The following MYOM3 variants were observed in gnomAD, a reference collection of about 807,000 sequenced individuals.
MYOM3 encodes the protein myomesin-3.
A neutral mutation model predicts 191.7 loss-of-function variants in MYOM3; 155 were observed. The observed-to-expected ratio is 0.81, with a 90% CI of 0.71 to 0.92. The LOEUF (loss-of-function observed/expected upper bound fraction) is 0.92. Among genes scored for constraint, MYOM3 ranks in the 40% least tolerant of loss-of-function variants. The probability of loss-of-function intolerance (pLI) is 0.00; values close to 1 mark genes in which losing one functional copy is unlikely to be tolerated. For synonymous variants in MYOM3, 757 were observed against 762.9 expected (o/e 0.99, Z 0.13); for missense variants, 1,889 against 1,890.6 (o/e 1.00, Z 0.02).
intron 12 of MYOM3, 123 bp downstream of exon 12, chr1:24,090,674 G>T: frequency 1.1e-6 from 1 of 907,700 alleles, no homozygotes; most frequent in Admixed American, 2.2e-5. Context: ...TTTACTGAGG[G>T]CTGGGCTGTG....
chr1:24,102,305 A>G (rs1445338574), intron 5 of MYOM3, among the ~76,000 whole-genome samples: 2 of 152,072 alleles, frequency 1.3e-5, no homozygotes, highest in Non-Finnish European at 1.5e-5. Flanking sequence ...CAATCTCTCC[A>G]GCTCTCCAGG....
At chr1:24,090,170 G>T in intron 12 of MYOM3, 52 bp from the exon 13 acceptor site, 1 of 1,445,642 alleles carries the variant, frequency 6.9e-7, no homozygotes, top group South Asian at 1.1e-5. Flanking sequence ...GGAGGAGTTA[G>T]GCCAGGAGCT....
At chr1:24,072,105 G>T in intron 23 of MYOM3, 92 bp from the exon 24 acceptor site, 1 of 1,326,490 alleles carries the variant, frequency 7.5e-7, no homozygotes, top group Non-Finnish European at 1.1e-6. Flanking sequence ...AGGATCCTGT[G>T]CTGGGTCAAA....
Position 24,068,365 on chromosome 1 carries a change from G to A in MYOM3, c.3153C>T (p.Asn1051=). The change falls in exon 26 of 37, where the codon AAC becomes AAT. Residue 1051 remains asparagine (N), a splice_region_variant and synonymous_variant. Coordinates refer to ENST00000374434, the MANE Select transcript of MYOM3 (RefSeq NM_152372.4). ...FNNKEIFSSP[N]RKINFDREKG... The stretch of plus-strand genomic sequence containing the variant: ...TCTCTCGGTCAAAATTGATTTTGCG[G>A]TTCTGAAAAGGACAAACTCCAGAGT... 1.2e-6 allele frequency: 2 copies of A among 1,614,100 alleles called. No individual in the cohort carries two copies. The highest frequency in any genetic ancestry group is 1.7e-6 in the Non-Finnish European group (2 of 1,179,990).
chr1:24,099,791 G>A lies in MYOM3; in HGVS notation c.561-16C>T, dbSNP rs367554123. The A allele has an allele frequency of 1.5e-4, 237 of 1,603,714 alleles. 3 individuals are homozygous for A. In the African/African-American group the frequency reaches 1.7e-3, roughly 11 times the overall value. On this transcript the variant is annotated splice_polypyrimidine_tract_variant and intron_variant, in intron 5 of 36. Coordinates refer to ENST00000374434, the MANE Select transcript of MYOM3 (RefSeq NM_152372.4). ...ATTTTTGTACCTGTGGGGACATAGC[G>A]GTCTGTGGCAGGCAGGGTGGTTCTA...
chr1:24,096,785 C>T (rs1470503222), intron 7 of MYOM3, among the ~76,000 whole-genome samples: 2 of 151,458 alleles, frequency 1.3e-5, no homozygotes, highest in South Asian at 2.1e-4. Context: ...TCCCGGGGGT[C>T]CTGGAACTCA....
Position 24,081,325 on chromosome 1 carries a change from C to G in MYOM3, c.2407+5G>C. On this transcript the variant is annotated splice_donor_5th_base_variant and intron_variant, in intron 19 of 36. Transcript: ENST00000374434. ...CACTGGACTTCAGGCCTGCAGGCCT[C>G]TCACCTGGCTGGGGCATTGTCCACT... The G allele has an allele frequency of 1.2e-6, 2 of 1,613,554 alleles. No individual in the cohort carries two copies.
rs781771524 is a variant in MYOM3 at position 24,057,539 on chromosome 1, C to T, written c.4139G>A (p.Arg1380Gln). Reference sequence around the variant, plus strand: ...TGTCCCCCTCACTTCCATGCGGTATCGGTCAAGGAAGGTGACAGGCTGGTC... The same window carrying T: ...TGTCCCCCTCACTTCCATGCGGTATTGGTCAAGGAAGGTGACAGGCTGGTC... ...KNDQPVTFLD[R>Q]YRMEVRGTEV... The change falls in exon 37 of 37, where the codon CGA becomes CAA. Residue 1380 changes from arginine (R) to glutamine (Q), a missense_variant. Arg to Gln is a conservative substitution (Grantham distance 43). Transcript: ENST00000374434. The T allele has an allele frequency of 1.2e-5, 19 of 1,614,026 alleles. No individual in the cohort carries two copies. The highest frequency in any genetic ancestry group is 8.3e-5 in the Admixed American group (5 of 60,008).
At chr1:24,066,163 T>G (rs1319856704) in intron 28 of MYOM3, 162 bp from the exon 29 acceptor site, 2 of 721,728 alleles carry the variant, frequency 2.8e-6, no homozygotes, top group Admixed American at 4.0e-5. Flanking sequence ...GTTTTCCCTC[T>G]GCCTCTTGAT....
chr1:24,086,274 C>G (rs1435708357), intron 15 of MYOM3, among the ~76,000 whole-genome samples: 2 of 152,048 alleles, frequency 1.3e-5, no homozygotes, highest in Non-Finnish European at 2.9e-5. Context: ...AGCTCAACCC[C>G]CACCAGACAA....
In MYOM3 at chr1:24,067,334, TTCTTTC is replaced by T. The variant is rs1417596398; in HGVS notation, c.3356-252_3356-247del. On this transcript the variant is annotated intron_variant, in intron 27 of 36. Coordinates refer to ENST00000374434, the MANE Select transcript of MYOM3 (RefSeq NM_152372.4). Reference sequence around the variant, plus strand: ...TTTCTTTCTTTCTTTCCTTCTTTCTTTCTTTCTTTCTTTCTTTCTTTCTTTCTTTCT... The same window carrying T: ...TTTCTTTCTTTCTTTCCTTCTTTCTTTTTCTTTCTTTCTTTCTTTCTTTCT... Among the ~76,000 whole-genome samples the T allele has an allele frequency of 2.9e-5, 2 of 70,078 alleles. 1 individual carries two copies. Among genetic ancestry groups the T allele is most frequent in the African/African-American group, 1.1e-4 (2 of 18,386 alleles). 46.0% of individuals were successfully genotyped at this position (70,078 alleles called of 152,430 possible).
At chr1:24,107,459 CT>C (rs1261913224) in intron 3 of MYOM3, among the ~76,000 whole-genome samples, 1 of 152,212 alleles carries the variant, frequency 6.6e-6, no homozygotes, top group African/African-American at 2.4e-5. Context: ...TTTCACAAAC[CT>C]TTGTTCATCT....
chr1:24,104,241 T>A lies in MYOM3; in HGVS notation c.560+1679A>T, dbSNP rs566363326. Among the ~76,000 whole-genome samples, 3 of 152,326 alleles carry A rather than the reference T, an allele frequency of 2.0e-5. No homozygotes were observed. The South Asian group carries it at 6.2e-4, about 32-fold the overall frequency. ...TGTTTTCCTTTGTGTTTTCCATTAT[T>A]TGTGCCCCTGTTCTCTCTCCTGCTA... On this transcript the variant is annotated intron_variant, in intron 5 of 36. Coordinates refer to ENST00000374434, the MANE Select transcript of MYOM3 (RefSeq NM_152372.4).
chr1:24,073,477 C>T (rs1434425681), intron 23 of MYOM3, among the ~76,000 whole-genome samples: 2 of 152,202 alleles, frequency 1.3e-5, no homozygotes, highest in Non-Finnish European at 2.9e-5. Context: ...CTCAGACCAA[C>T]TGCTGCTTGC....
At position 24,063,297 on chromosome 1, in the gene MYOM3, C is replaced by T. The variant is rs1380976504; in HGVS notation, c.3662-63G>A. 6.7e-7 allele frequency: 1 copy of T among 1,483,938 alleles called. No homozygotes were observed. The highest frequency in any genetic ancestry group is 1.4e-5 in the African/African-American group (1 of 72,422). The allele number at this position is 1,483,938 out of a possible 1,614,324, so 91.9% of individuals were successfully genotyped here. On this transcript the variant is annotated intron_variant, in intron 31 of 36. Coordinates refer to ENST00000374434, the MANE Select transcript of MYOM3 (RefSeq NM_152372.4). This position sits in a 1 kb window ranked among gnomAD's most constrained non-coding sequence, Gnocchi z 4.5. ...GCCATTTAGGCATCAGATTTTGGGGCCGGCTTGTCTGCCTCTGCCCTGGGG... is the reference window on the plus strand; with the variant it reads ...GCCATTTAGGCATCAGATTTTGGGGTCGGCTTGTCTGCCTCTGCCCTGGGG...
At chr1:24,096,618 C>T (rs1186179147) in intron 7 of MYOM3, among the ~76,000 whole-genome samples, 1 of 152,176 alleles carries the variant, frequency 6.6e-6, no homozygotes, top group African/African-American at 2.4e-5. Flanking sequence ...CTGTGCAGGA[C>T]AGTTTAACAA....
chr1:24,082,676 T>C lies in MYOM3; in HGVS notation c.2009A>G (p.Glu670Gly). 6.2e-7 allele frequency: 1 copy of C among 1,611,662 alleles called. No individual in the cohort carries two copies. Among genetic ancestry groups the C allele is most frequent in the Non-Finnish European group, 8.5e-7 (1 of 1,179,094 alleles). ...CTCGCTGACTGACCTGACACAAAAC[T>C]CGTACTCCTTCCCCGTCCTCAGCCC... The part of the protein sequence containing the change: ...VPGLRTGKEY[E>G]FCVRSVSEAG... The change falls in exon 17 of 37, where the codon GAG becomes GGG. Residue 670 changes from glutamate (E) to glycine (G), a missense_variant. Glu to Gly is a moderately conservative substitution (Grantham distance 98). Transcript: ENST00000374434.
In MYOM3 at chr1:24,092,196, TG is replaced by T; in HGVS notation, c.1209del (p.Ile404SerfsTer44). The T allele has an allele frequency of 6.8e-7, 1 of 1,463,840 alleles. No individual in the cohort carries two copies. The highest frequency in any genetic ancestry group is 9.1e-7 in the Non-Finnish European group (1 of 1,100,362). The allele number at this position is 1,463,840 out of a possible 1,614,324, so 90.7% of individuals were successfully genotyped here. A position where few individuals can be genotyped will look rare whatever the true frequency, so the allele number is the denominator to read the frequency against. ...WAPPSDTRGN[P>X]ITAYTIERCQ... ...CACCGCTCAATGGTGTAGGCAGTGA[TG>T]GGGTTGCCCCGGGTGTCACTGGGCG... On this transcript the variant is annotated frameshift_variant, in exon 11 of 37. Coordinates refer to ENST00000374434, the MANE Select transcript of MYOM3 (RefSeq NM_152372.4). LOFTEE classifies it high-confidence loss of function.
intron 14 of MYOM3, among the ~76,000 whole-genome samples, chr1:24,088,825 A>C (rs1177260192): frequency 6.6e-6 from 1 of 152,242 alleles, no homozygotes; most frequent in Non-Finnish European, 1.5e-5. Flanking sequence ...GACAGATCCC[A>C]GGGGTTGCTG....
Sources: allele counts gnomAD v4.1 joint callset (sites outside exome capture counted in the v4.1 genomes callset), GRCh38; gene constraint gnomAD v4.1.1; non-coding constraint Gnocchi (gnomAD v3.1); transcripts MANE v1.5; gene names NCBI Gene and HGNC (gene_info 2026-07-23, HGNC 2026-07-21).